ATP1A1: variants seen among roughly 807,000 people sequenced by gnomAD.
The protein encoded by ATP1A1 is sodium/potassium-transporting ATPase subunit alpha-1.
Under a neutral mutation model 114.8 loss-of-function variants are expected in ATP1A1, and 14 were observed. That is an observed-to-expected ratio of 0.12 (90% CI 0.08 to 0.19). The LOEUF (loss-of-function observed/expected upper bound fraction) is 0.19. Among genes scored for constraint, ATP1A1 ranks in the 10% least tolerant of loss-of-function variants. ATP1A1 has a pLI of 1.00. For synonymous variants in ATP1A1, 471 were observed against 466.3 expected (o/e 1.01, Z -0.13); for missense variants, 524 against 1,290.7 (o/e 0.41, Z 9.10).
At chr1:116,373,799 G>A in intron 1 of ATP1A1, 1 of 1,207,698 alleles carries the variant, frequency 8.3e-7, no homozygotes, top group South Asian at 3.1e-5. Context: ...CGCCCCGGAG[G>A]CCGAGCGGGC....
Position 116,398,517 on chromosome 1 carries a change from A to C in ATP1A1, c.2125-104A>C. On this transcript the variant is annotated intron_variant, in intron 15 of 22. Transcript: ENST00000295598. The surrounding 1 kb of genome is among the most constrained non-coding windows in gnomAD (Gnocchi z 6.1). ...GCTTCATAAATAGTCTCAATAGGAA[A>C]GGAGCAGTGTCTGTAATGAGTGCTC... The C allele has an allele frequency of 7.2e-7, 1 of 1,382,726 alleles. No homozygotes were observed. Among genetic ancestry groups the C allele is most frequent in the South Asian group, 1.4e-5 (1 of 72,702 alleles). The allele number at this position is 1,382,726 out of a possible 1,614,324, so 85.7% of individuals were successfully genotyped here. A position where few individuals can be genotyped will look rare whatever the true frequency, so the allele number is the denominator to read the frequency against.
rs1027375828 is a variant in ATP1A1, at chr1:116,395,431, C to T, written c.1836+146C>T. The T allele has an allele frequency of 7.9e-6, 7 of 889,310 alleles. No homozygotes were observed. Among genetic ancestry groups the T allele is most frequent in the African/African-American group, 3.5e-5 (2 of 57,380 alleles). 55.1% of individuals were successfully genotyped at this position (889,310 alleles called of 1,614,324 possible). A position where few individuals can be genotyped will look rare whatever the true frequency, so the allele number is the denominator to read the frequency against. The stretch of plus-strand genomic sequence containing the variant: ...TCATCTCCAAAGCTTTACTTCCACC[C>T]AGAAAAGACCAGATAGTATTAAAAT... On this transcript the variant is annotated intron_variant, in intron 13 of 22. Coordinates refer to ENST00000295598, the MANE Select transcript of ATP1A1 (RefSeq NM_000701.8). The surrounding 1 kb of genome is among the most constrained non-coding windows in gnomAD (Gnocchi z 6.4).
intron 1 of ATP1A1, 143 bp downstream of exon 1, chr1:116,373,666 T>TTAAAAGACGAC (rs1651142598): frequency 9.2e-7 from 1 of 1,086,554 alleles, no homozygotes; most frequent in South Asian, 2.1e-5. Context: ...GCCGCGCGGC[T>TTAAAAGACGAC]TAAAAGACGA....
intron 1 of ATP1A1, chr1:116,373,963 C>G (rs1410438643): frequency 4.4e-6 from 6 of 1,354,486 alleles, no homozygotes; most frequent in Non-Finnish European, 5.7e-6. Flanking sequence ...TTTCCCTCCG[C>G]CCTCCGTGCC....
In ATP1A1 at chr1:116,395,781, T is replaced by G. The variant is rs1264650033; in HGVS notation, c.1836+496T>G. Among the ~76,000 whole-genome samples, 1 of 152,210 alleles carries G rather than the reference T, an allele frequency of 6.6e-6. No individual in the cohort carries two copies. The highest frequency in any genetic ancestry group is 1.5e-5 in the Non-Finnish European group (1 of 68,034). On this transcript the variant is annotated intron_variant, in intron 13 of 22. Coordinates refer to ENST00000295598, the MANE Select transcript of ATP1A1 (RefSeq NM_000701.8). The surrounding 1 kb of genome is among the most constrained non-coding windows in gnomAD (Gnocchi z 6.4). ...TTTATTTATTTTTTGAGACAGAGTC[T>G]TGCTCTATTGCCCAGGCTGGAATGT... is the stretch of plus-strand genomic sequence containing the variant.
intron 10 of ATP1A1, 53 bp from the exon 11 acceptor site, chr1:116,392,801 T>A: frequency 1.3e-6 from 2 of 1,580,644 alleles, no homozygotes; most frequent in Non-Finnish European, 1.7e-6. Flanking sequence ...TTTTTAGTGA[T>A]GCCTCAGTGA....
rs759150142 is a variant in ATP1A1 at position 116,400,959 on chromosome 1, G to C, written c.2671G>C (p.Asp891His). ...IHLLGLRVDW[D>H]DRWINDVEDS... ...CCTGTTGGGCCTCCGAGTGGACTGG[G>C]ATGACCGCTGGATCAACGATGTGGA... is the stretch of plus-strand genomic sequence containing the variant. The change falls in exon 19 of 23, where the codon GAT (aspartate) becomes CAT (histidine). Residue 891 changes from aspartate (D) to histidine (H), a missense_variant. Coordinates refer to ENST00000295598, the MANE Select transcript of ATP1A1 (RefSeq NM_000701.8). 1 of 1,614,196 alleles carries C rather than the reference G, an allele frequency of 6.2e-7. No individual in the cohort carries two copies. The highest frequency in any genetic ancestry group is 8.5e-7 in the Non-Finnish European group (1 of 1,180,038).
intron 3 of ATP1A1, chr1:116,386,056 G>C (rs1269217612): frequency 6.7e-6 from 1 of 149,296 alleles, no homozygotes. Context: ...AACCTGGGAG[G>C]TGGAGGTTGC....
chr1:116,401,399 C>A lies in ATP1A1; in HGVS notation c.2849+139C>A. The A allele has an allele frequency of 6.7e-7, 1 of 1,490,464 alleles. No homozygotes were observed. Among genetic ancestry groups the A allele is most frequent in the Non-Finnish European group, 9.1e-7 (1 of 1,097,986 alleles). The allele number at this position is 1,490,464 out of a possible 1,614,324, so 92.3% of individuals were successfully genotyped here. ...TAGTTTATAGAGCAAATTTAGGAAGCAAGAAATGTAGCTTTCTAGTTTTTT... is the reference window on the plus strand; with the variant it reads ...TAGTTTATAGAGCAAATTTAGGAAGAAAGAAATGTAGCTTTCTAGTTTTTT... On this transcript the variant is annotated intron_variant, in intron 20 of 22. Transcript: ENST00000295598. This position sits in a 1 kb window ranked among gnomAD's most constrained non-coding sequence, Gnocchi z 4.7.
chr1:116,388,486 C>A lies in ATP1A1; in HGVS notation c.502-152C>A. ...CAGCAATATCTCTTAAACTGGCGAGCAAGCTTTTGTAACTTGTGTAAATAA... is the reference window on the plus strand; with the variant it reads ...CAGCAATATCTCTTAAACTGGCGAGAAAGCTTTTGTAACTTGTGTAAATAA... On this transcript the variant is annotated intron_variant, in intron 5 of 22. Transcript: ENST00000295598. The surrounding 1 kb of genome is among the most constrained non-coding windows in gnomAD (Gnocchi z 5.6). The A allele has an allele frequency of 8.5e-7, 1 of 1,181,968 alleles. No homozygotes were observed. The highest frequency in any genetic ancestry group is 1.2e-6 in the Non-Finnish European group (1 of 857,658). 73.2% of individuals were successfully genotyped at this position (1,181,968 alleles called of 1,614,324 possible).
At chr1:116,396,976 C>T (rs141233034) in intron 14 of ATP1A1, among the ~76,000 whole-genome samples, 9 of 152,308 alleles carry the variant, frequency 5.9e-5, no homozygotes, top group Admixed American at 3.3e-4. Context: ...CTATTATTTG[C>T]AGAGCAGGGA....
Position 116,399,398 on chromosome 1 carries a change from C to T in ATP1A1, c.2449-22C>T, listed in dbSNP as rs762893078. 3 of 1,607,264 alleles carry T rather than the reference C, an allele frequency of 1.9e-6. No individual in the cohort carries two copies. The highest frequency in any genetic ancestry group is 1.7e-6 in the Non-Finnish European group (2 of 1,177,742). ...CTTCCTTATTTTTAGTAACTAAATT[C>T]CTTCTCCCCACCCCTTCCCAGGTTC... On this transcript the variant is annotated intron_variant, in intron 17 of 22. Coordinates refer to ENST00000295598, the MANE Select transcript of ATP1A1 (RefSeq NM_000701.8). This position sits in a 1 kb window ranked among gnomAD's most constrained non-coding sequence, Gnocchi z 5.0.
At chr1:116,402,531 C>G (rs1209410571) in intron 21 of ATP1A1, among the ~76,000 whole-genome samples, 1 of 152,222 alleles carries the variant, frequency 6.6e-6, no homozygotes, top group Non-Finnish European at 1.5e-5. Flanking sequence ...TCATTCACTT[C>G]CTGTGGGTTA....
intron 1 of ATP1A1, chr1:116,374,100 G>A (rs895828368): frequency 6.1e-6 from 9 of 1,471,236 alleles, no homozygotes; most frequent in African/African-American, 5.7e-5. Context: ...CCTTCTCCTG[G>A]GGACGCTGGG....
At chr1:116,386,056 G>A (rs1269217612) in intron 3 of ATP1A1, 1 of 149,296 alleles carries the variant, frequency 6.7e-6, no homozygotes, top group Non-Finnish European at 1.5e-5. Flanking sequence ...AACCTGGGAG[G>A]TGGAGGTTGC....
At position 116,401,764 on chromosome 1, in the gene ATP1A1, C is replaced by A. The variant is rs925015268; in HGVS notation, c.2951+109C>A. The A allele has an allele frequency of 1.8e-6, 2 of 1,110,136 alleles. No homozygotes were observed. Among genetic ancestry groups the A allele is most frequent in the African/African-American group, 1.6e-5 (1 of 63,900 alleles). The allele number at this position is 1,110,136 out of a possible 1,614,324, so 68.8% of individuals were successfully genotyped here. A position where few individuals can be genotyped will look rare whatever the true frequency, so the allele number is the denominator to read the frequency against. ...TTTTCAGAATTTTGAGTGGTATGTACAAAAATTCCTATGGGTTGGAAAACT... is the reference window on the plus strand; with the variant it reads ...TTTTCAGAATTTTGAGTGGTATGTAAAAAAATTCCTATGGGTTGGAAAACT... On this transcript the variant is annotated intron_variant, in intron 21 of 22. Coordinates refer to ENST00000295598, the MANE Select transcript of ATP1A1 (RefSeq NM_000701.8). This position sits in a 1 kb window ranked among gnomAD's most constrained non-coding sequence, Gnocchi z 4.7.
chr1:116,388,320 T>C lies in ATP1A1; in HGVS notation c.501+76T>C. 1 of 1,294,692 alleles carries C rather than the reference T, an allele frequency of 7.7e-7. No homozygotes were observed. The highest frequency in any genetic ancestry group is 1.1e-6 in the Non-Finnish European group (1 of 901,006). The allele number at this position is 1,294,692 out of a possible 1,614,324, so 80.2% of individuals were successfully genotyped here. On this transcript the variant is annotated intron_variant, in intron 5 of 22. Transcript: ENST00000295598. The surrounding 1 kb of genome is among the most constrained non-coding windows in gnomAD (Gnocchi z 5.6). Reference sequence around the variant, plus strand: ...TGTCAGCCTGTGAATTAGTGTGAAGTTAAGGTTTTCCAAGTATTACATGAC... The same window carrying C: ...TGTCAGCCTGTGAATTAGTGTGAAGCTAAGGTTTTCCAAGTATTACATGAC...
intron 1 of ATP1A1, 143 bp from the exon 2 acceptor site, chr1:116,383,871 G>A: frequency 1.5e-6 from 1 of 661,102 alleles, no homozygotes; most frequent in Non-Finnish European, 2.7e-6. Flanking sequence ...CAATATATGG[G>A]TATACATTTT....
chr1:116,387,466 C>T lies in ATP1A1; in HGVS notation c.362C>T (p.Thr121Ile). The change falls in exon 4 of 23, where the codon ACA becomes ATA. Residue 121 changes from threonine (T) to isoleucine (I), a missense_variant. Physicochemically the swap from Thr to Ile is moderately conservative, Grantham distance 89. Coordinates refer to ENST00000295598, the MANE Select transcript of ATP1A1 (RefSeq NM_000701.8). This position sits in a 1 kb window ranked among gnomAD's most constrained non-coding sequence, Gnocchi z 6.7. ...TTGGCTTATAGCATCCAAGCTGCTA[C>T]AGAAGAGGAACCTCAAAACGATAAT... is the stretch of plus-strand genomic sequence containing the variant. Reference protein sequence around the residue: ...CFLAYSIQAATEEEPQNDNLY... With the variant: ...CFLAYSIQAAIEEEPQNDNLY... The T allele has an allele frequency of 6.2e-7, 1 of 1,614,228 alleles. No individual in the cohort carries two copies. The highest frequency in any genetic ancestry group is 8.5e-7 in the Non-Finnish European group (1 of 1,180,048).
Sources: gnomAD v4.1 joint callset for allele counts (sites outside exome capture counted in the v4.1 genomes callset) on GRCh38, gnomAD v4.1.1 for gene constraint, Gnocchi (gnomAD v3.1) non-coding constraint, MANE v1.5 for transcripts, NCBI Gene and HGNC (gene_info 2026-07-23, HGNC 2026-07-21) for gene names.